The following CDYL variants were observed in gnomAD, a reference collection of about 807,000 sequenced individuals.
CDYL encodes chromodomain Y like.
A neutral mutation model predicts 47.3 loss-of-function variants in CDYL; 8 were observed. That is an observed-to-expected ratio of 0.17 (90% CI 0.10 to 0.31). The LOEUF (loss-of-function observed/expected upper bound fraction) is 0.31. Among genes scored for constraint, CDYL ranks in the 10% least tolerant of loss-of-function variants. The pLI is 1.00. For missense variants in CDYL, 471 were observed against 701.4 expected, an observed-to-expected ratio of 0.67 and a Z score of 3.71; for synonymous variants, 266 against 265.0, an observed-to-expected ratio of 1.00 and a Z score of -0.04.
At chr6:4,765,085 G>C (rs1272592393) in intron 3 of CDYL, among the ~76,000 whole-genome samples, 1 of 152,132 alleles carries the variant, frequency 6.6e-6, no homozygotes, top group African/African-American at 2.4e-5. Flanking sequence ...CACTTTGGGA[G>C]GTCAAGGTGG....
intron 4 of CDYL, among the ~76,000 whole-genome samples, chr6:4,939,715 ACT>A (rs768426670): frequency 1.1e-4 from 16 of 152,150 alleles, no homozygotes; most frequent in Non-Finnish European, 1.6e-4. Flanking sequence ...TCCTTGGCTG[ACT>A]CTCAGCGCCT....
chr6:4,718,055 C>T (rs1213964343), intron 2 of CDYL, among the ~76,000 whole-genome samples: 1 of 152,092 alleles, frequency 6.6e-6, no homozygotes, highest in African/African-American at 2.4e-5. Flanking sequence ...ACTGCCCAGG[C>T]TGGTCTCCTG....
At chr6:4,714,552 C>G (rs747255094) in intron 1 of CDYL, 15 of 152,356 alleles carry the variant, frequency 9.8e-5, no homozygotes, top group African/African-American at 3.1e-4. Flanking sequence ...GCCCCCATCA[C>G]AGCACTGCTG....
chr6:4,795,338 G>A (rs1759040708), intron 1 of CDYL, among the ~76,000 whole-genome samples: 1 of 152,040 alleles, frequency 6.6e-6, no homozygotes, highest in African/African-American at 2.4e-5. Flanking sequence ...ATTATTTTGT[G>A]TATATTGCTA....
chr6:4,948,820 C>T (rs1758610062), intron 5 of CDYL, among the ~76,000 whole-genome samples: 1 of 152,242 alleles, frequency 6.6e-6, no homozygotes, highest in Non-Finnish European at 1.5e-5. Flanking sequence ...GAGTATCTGA[C>T]GAAGCCTCTC....
At chr6:4,826,353 C>T (rs889198998) in intron 1 of CDYL, among the ~76,000 whole-genome samples, 3 of 152,062 alleles carry the variant, frequency 2.0e-5, no homozygotes, top group African/African-American at 7.2e-5. Flanking sequence ...CTCTATGTAT[C>T]TTACCCGTAA....
At chr6:4,825,096 C>G (rs1040205515) in intron 1 of CDYL, among the ~76,000 whole-genome samples, 15 of 152,138 alleles carry the variant, frequency 9.9e-5, no homozygotes, top group African/African-American at 3.6e-4. Flanking sequence ...TTCTCGAACT[C>G]CTGACCTCAG....
chr6:4,768,024 T>C (rs953980740), intron 3 of CDYL, among the ~76,000 whole-genome samples: 6 of 152,214 alleles, frequency 3.9e-5, no homozygotes, highest in Non-Finnish European at 7.3e-5. Context: ...AGCTACCAGA[T>C]TTGCCTGCCT....
intron 1 of CDYL, among the ~76,000 whole-genome samples, chr6:4,792,127 C>T (rs1013884911): frequency 6.6e-6 from 1 of 150,834 alleles, no homozygotes; most frequent in African/African-American, 2.4e-5. Context: ...CTCCTGACCT[C>T]GTGATCCACC....
intron 2 of CDYL, among the ~76,000 whole-genome samples, chr6:4,909,689 C>T (rs1413433951): frequency 1.3e-5 from 2 of 152,130 alleles, no homozygotes; most frequent in Non-Finnish European, 2.9e-5. Flanking sequence ...CCTGCCTCAG[C>T]CTCCCGATTT....
chr6:4,922,194 C>G (rs758507665), intron 2 of CDYL, among the ~76,000 whole-genome samples: 1 of 152,086 alleles, frequency 6.6e-6, no homozygotes, highest in Non-Finnish European at 1.5e-5. Flanking sequence ...GGTGAGACAC[C>G]TGGTACTGCC....
chr6:4,810,028 T>C (rs929877804), intron 1 of CDYL, among the ~76,000 whole-genome samples: 2 of 151,208 alleles, frequency 1.3e-5, no homozygotes, highest in South Asian at 4.2e-4. Context: ...CTTGGTGATA[T>C]TTTGTATGGT....
rs562825710 is a variant in CDYL, at chr6:4,793,436, C to T, written c.24+16629C>T. Among the ~76,000 whole-genome samples the T allele has an allele frequency of 2.6e-5, 4 of 152,182 alleles. No homozygotes were observed. The South Asian group carries it at 6.2e-4, about 24-fold the overall frequency. ...TTTGGGACTGGGGTTGGAGTGAGGC[C>T]GGCAGGAGGCCAGTGTCTCTGGAAA... is the stretch of plus-strand genomic sequence containing the variant. On this transcript the variant is annotated intron_variant, in intron 1 of 6. Coordinates refer to ENST00000397588, the MANE Select transcript of CDYL (RefSeq NM_004824.4).
rs141734815 is a variant in CDYL at position 4,827,354 on chromosome 6, C to T, written c.24+50547C>T. ...TTTTCTGCCTTATACTTTTGTTCCT[C>T]ATTGCCTTAATTACTACCATTTGTG... is the stretch of plus-strand genomic sequence containing the variant. On this transcript the variant is annotated intron_variant, in intron 1 of 6. Coordinates refer to ENST00000397588, the MANE Select transcript of CDYL (RefSeq NM_004824.4). Among the ~76,000 whole-genome samples the T allele has an allele frequency of 4.1e-3, 621 of 152,300 alleles. 1 individual carries two copies. The highest frequency in any genetic ancestry group is 0.014 in the African/African-American group (580 of 41,576).
intron 2 of CDYL, among the ~76,000 whole-genome samples, chr6:4,716,421 T>C (rs1757265073): frequency 6.6e-6 from 1 of 152,110 alleles, no homozygotes; most frequent in Non-Finnish European, 1.5e-5. Flanking sequence ...AAATTTTTTG[T>C]AGCCAGAACT....
upstream of CDYL, among the ~76,000 whole-genome samples, chr6:4,774,012 T>C (rs768537444): frequency 2.0e-5 from 3 of 152,208 alleles, no homozygotes; most frequent in Admixed American, 6.5e-5. Context: ...TATGTTCCTT[T>C]CTTTCCCTCT....
intron 1 of CDYL, among the ~76,000 whole-genome samples, chr6:4,837,719 T>C (rs1760363992): frequency 6.6e-6 from 1 of 151,838 alleles, no homozygotes; most frequent in African/African-American, 2.4e-5. Flanking sequence ...CACCTCAGCC[T>C]CCCAAAGTGC....
At chr6:4,817,679 C>T (rs1034461529) in intron 1 of CDYL, among the ~76,000 whole-genome samples, 1 of 152,150 alleles carries the variant, frequency 6.6e-6, no homozygotes, top group African/African-American at 2.4e-5. Context: ...ATCTCATAAT[C>T]AATTAGCCAC....
At chr6:4,884,026 C>G (rs1761834093) in intron 1 of CDYL, among the ~76,000 whole-genome samples, 2 of 152,204 alleles carry the variant, frequency 1.3e-5, no homozygotes. Context: ...GCTTTCCCCA[C>G]TGTGAGAGCC....
Sources: gnomAD v4.1 joint callset for allele counts (sites outside exome capture counted in the v4.1 genomes callset) on GRCh38, gnomAD v4.1.1 for gene constraint, MANE v1.5 for transcripts, NCBI Gene and HGNC (gene_info 2026-07-23, HGNC 2026-07-21) for gene names.